Variants in PRPSAP2 observed in about 807,000 individuals in gnomAD.
The protein encoded by PRPSAP2 is phosphoribosyl pyrophosphate synthase-associated protein 2.
Under a neutral mutation model 40.6 loss-of-function variants are expected in PRPSAP2, and 24 were observed. The ratio of observed to expected loss-of-function variants is 0.59; its 90% confidence interval spans 0.43 to 0.83. The LOEUF (loss-of-function observed/expected upper bound fraction) is 0.83. Ranked by LOEUF, PRPSAP2 falls within the 40% of genes least tolerant of loss-of-function variation. The pLI is 0.00. For synonymous variants in PRPSAP2, 149 were observed against 164.7 expected (o/e 0.90, Z 0.73); for missense variants, 292 against 465.6 (o/e 0.63, Z 3.43).
intron 9 of PRPSAP2, among the ~76,000 whole-genome samples, chr17:18,912,270 A>T (rs2041009291): frequency 6.6e-6 from 1 of 151,894 alleles, no homozygotes; most frequent in Non-Finnish European, 1.5e-5. Context: ...CTGCATCCTC[A>T]TGTGGTGGAG....
chr17:18,907,462 A>G (rs2040667338), intron 8 of PRPSAP2, among the ~76,000 whole-genome samples: 1 of 152,252 alleles, frequency 6.6e-6, no homozygotes, highest in Non-Finnish European at 1.5e-5. Flanking sequence ...TGATTCCATT[A>G]TTCTTCTCTT....
At chr17:18,915,774 A>G (rs546276191) in intron 9 of PRPSAP2, among the ~76,000 whole-genome samples, 2 of 151,996 alleles carry the variant, frequency 1.3e-5, no homozygotes, top group Non-Finnish European at 2.9e-5. Context: ...CTGTGACCCA[A>G]ACATCTCCCA....
chr17:18,924,642 A>C (rs1218169852), intron 10 of PRPSAP2, among the ~76,000 whole-genome samples: 1 of 151,730 alleles, frequency 6.6e-6, no homozygotes, highest in Non-Finnish European at 1.5e-5. Flanking sequence ...GGTGGCACAT[A>C]CCTGCAGTCC....
chr17:18,887,068 C>G lies in PRPSAP2; in HGVS notation c.529-2754C>G, dbSNP rs1163246162. On this transcript the variant is annotated intron_variant, in intron 7 of 11. Coordinates refer to ENST00000268835, the MANE Select transcript of PRPSAP2 (RefSeq NM_002767.4). ...TCTCCTGCCTCAGCCTCCCGAGTAG[C>G]TGGGATTACAGGCATGGGCCCCCAT... Among the ~76,000 whole-genome samples, 3 of 150,802 alleles carry G rather than the reference C, an allele frequency of 2.0e-5. No homozygotes were observed. The Admixed American group carries it at 2.0e-4, about 10-fold the overall frequency.
At chr17:18,882,521 AAC>A (rs1183218089) in intron 6 of PRPSAP2, 45 bp from the exon 7 acceptor site, 5 of 1,315,698 alleles carry the variant, frequency 3.8e-6, no homozygotes, top group South Asian at 1.3e-5. Context: ...AAAAAAAAAA[AAC>A]AAAAACAAAA....
chr17:18,890,139 T>C (rs1170831721), intron 8 of PRPSAP2, among the ~76,000 whole-genome samples: 1 of 151,240 alleles, frequency 6.6e-6, no homozygotes, highest in East Asian at 1.9e-4. Context: ...CACTTTCTTT[T>C]ATTTTTATTA....
intron 6 of PRPSAP2, among the ~76,000 whole-genome samples, chr17:18,880,286 T>C (rs2038634698): frequency 6.6e-6 from 1 of 152,216 alleles, no homozygotes; most frequent in African/African-American, 2.4e-5. Context: ...TTTGGGCAAG[T>C]AATGCTTTAA....
At chr17:18,910,218 G>A (rs1304610424) in intron 8 of PRPSAP2, among the ~76,000 whole-genome samples, 2 of 152,082 alleles carry the variant, frequency 1.3e-5, no homozygotes, top group Admixed American at 6.6e-5. Flanking sequence ...TCAGGAGTTC[G>A]AGACCAGTCT....
At chr17:18,874,569 C>T (rs1332520723) in intron 5 of PRPSAP2, among the ~76,000 whole-genome samples, 1 of 152,174 alleles carries the variant, frequency 6.6e-6, no homozygotes, top group Non-Finnish European at 1.5e-5. Context: ...TCCTTGCATC[C>T]TATAGCCCTG....
intron 8 of PRPSAP2, among the ~76,000 whole-genome samples, chr17:18,891,211 A>T (rs540972601): frequency 1.3e-5 from 2 of 152,328 alleles, no homozygotes; most frequent in East Asian, 1.9e-4. Context: ...AGGATGGAGG[A>T]GAACTTGCAC....
At chr17:18,922,903 G>C (rs1191266904) in intron 9 of PRPSAP2, among the ~76,000 whole-genome samples, 1 of 151,266 alleles carries the variant, frequency 6.6e-6, no homozygotes, top group African/African-American at 2.4e-5. Context: ...TCAAACTCCT[G>C]AACTCAGGCA....
intron 8 of PRPSAP2, among the ~76,000 whole-genome samples, chr17:18,900,509 C>T (rs1332501778): frequency 1.3e-5 from 2 of 152,000 alleles, no homozygotes; most frequent in Non-Finnish European, 2.9e-5. Context: ...TGTCTTTTTT[C>T]ATTCATATTG....
At chr17:18,915,485 CTTTA>C (rs1294049471) in intron 9 of PRPSAP2, among the ~76,000 whole-genome samples, 10 of 151,944 alleles carry the variant, frequency 6.6e-5, no homozygotes, top group African/African-American at 2.4e-4. Flanking sequence ...AAAGAAGACA[CTTTA>C]TTTAGCTCAC....
At chr17:18,895,109 A>G (rs943128032) in intron 8 of PRPSAP2, among the ~76,000 whole-genome samples, 1 of 146,846 alleles carries the variant, frequency 6.8e-6, no homozygotes, top group African/African-American at 2.5e-5. Context: ...TTAAAGAGAA[A>G]GTCTTGCTCT....
At chr17:18,922,323 A>T (rs896092127) in intron 9 of PRPSAP2, among the ~76,000 whole-genome samples, 1 of 152,172 alleles carries the variant, frequency 6.6e-6, no homozygotes, top group African/African-American at 2.4e-5. Flanking sequence ...TTGCTGCGTC[A>T]CTTGGTGTAT....
Position 18,865,930 on chromosome 17 carries a change from G to GA in PRPSAP2, c.98dup (p.Leu34AlafsTer23), listed in dbSNP as rs760809897. The GA allele has an allele frequency of 6.8e-7, 1 of 1,476,072 alleles. No homozygotes were observed. Among genetic ancestry groups the GA allele is most frequent in the East Asian group, 2.4e-5 (1 of 40,874 alleles). 91.4% of individuals were successfully genotyped at this position (1,476,072 alleles called of 1,614,324 possible). ...AGCAAACTCGAATTCATCATGTATG[G>GA]AGCTATCAAAGAAAATTGCAGAGTG... On this transcript the variant is annotated frameshift_variant, in exon 3 of 12. Transcript: ENST00000268835. LOFTEE classifies it high-confidence loss of function.
At chr17:18,870,095 A>G (rs1336889546) in intron 4 of PRPSAP2, among the ~76,000 whole-genome samples, 1 of 151,742 alleles carries the variant, frequency 6.6e-6, no homozygotes, top group East Asian at 1.9e-4. Flanking sequence ...ATGATCATCC[A>G]CCTCAGCCTC....
chr17:18,906,201 A>G (rs1467306600), intron 8 of PRPSAP2, among the ~76,000 whole-genome samples: 1 of 149,556 alleles, frequency 6.7e-6, no homozygotes, highest in African/African-American at 2.5e-5. Flanking sequence ...CGTGTGTCTG[A>G]GATTGTTTGT....
At chr17:18,869,411 C>A (rs998589866) in intron 4 of PRPSAP2, among the ~76,000 whole-genome samples, 1 of 150,002 alleles carries the variant, frequency 6.7e-6, no homozygotes. Context: ...GATCAGGGCT[C>A]ACTGCAGCCT....
Sources: gnomAD v4.1 joint callset for allele counts (sites outside exome capture counted in the v4.1 genomes callset) on GRCh38, gnomAD v4.1.1 for gene constraint, MANE v1.5 for transcripts, NCBI Gene and HGNC (gene_info 2026-07-23, HGNC 2026-07-21) for gene names.